The following CNTNAP4 variants were observed in gnomAD, a reference collection of about 807,000 sequenced individuals.
The protein encoded by CNTNAP4 is contactin-associated protein-like 4.
In CNTNAP4, 98 loss-of-function variants were observed where a neutral mutation model predicts 148.4. The ratio of observed to expected loss-of-function variants is 0.66; its 90% CI spans 0.56 to 0.78. CNTNAP4 has a LOEUF of 0.78. Ranked by LOEUF, CNTNAP4 falls within the 30% of genes least tolerant of loss-of-function variation. The probability of loss-of-function intolerance (pLI) is 0.00; values close to 1 mark genes in which losing one functional copy is unlikely to be tolerated. For synonymous variants in CNTNAP4, 730 were observed against 565.1 expected, an observed-to-expected ratio of 1.29 and a Z score of -4.14; for missense variants, 1,935 against 1,565.6, an observed-to-expected ratio of 1.24 and a Z score of -3.98.
At chr16:76,340,966 T>A (rs758154272) in intron 2 of CNTNAP4, among the ~76,000 whole-genome samples, 1 of 152,184 alleles carries the variant, frequency 6.6e-6, no homozygotes, top group Non-Finnish European at 1.5e-5. Flanking sequence ...ACCATTTCAG[T>A]CCCATCTTTC....
chr16:76,361,547 A>G (rs555282131), intron 3 of CNTNAP4, among the ~76,000 whole-genome samples: 1 of 152,234 alleles, frequency 6.6e-6, no homozygotes, highest in South Asian at 2.1e-4. Context: ...CAATTTTAAA[A>G]TCTATTCATT....
intron 10 of CNTNAP4, among the ~76,000 whole-genome samples, chr16:76,468,595 CTAT>C (rs1225511354): frequency 1.3e-5 from 2 of 152,142 alleles, no homozygotes; most frequent in African/African-American, 2.4e-5. Context: ...TCAAGCCATC[CTAT>C]CTCAGCCTCC....
At chr16:76,468,741 G>A (rs1049539208) in intron 10 of CNTNAP4, among the ~76,000 whole-genome samples, 3 of 152,048 alleles carry the variant, frequency 2.0e-5, no homozygotes, top group Non-Finnish European at 4.4e-5. Context: ...TTACAGGCAT[G>A]AGTCACTGTG....
intron 1 of CNTNAP4, among the ~76,000 whole-genome samples, chr16:76,285,230 G>T (rs1958833583): frequency 6.6e-6 from 1 of 151,920 alleles, no homozygotes; most frequent in Non-Finnish European, 1.5e-5. Flanking sequence ...TAATAAAACT[G>T]GGAAAATAGC....
chr16:76,438,057 G>C (rs1191321906), intron 4 of CNTNAP4, among the ~76,000 whole-genome samples: 1 of 152,132 alleles, frequency 6.6e-6, no homozygotes, highest in East Asian at 1.9e-4. Context: ...TAAACTTTGG[G>C]AAATCCACAT....
intron 3 of CNTNAP4, among the ~76,000 whole-genome samples, chr16:76,415,005 T>C (rs891915569): frequency 1.3e-5 from 2 of 151,158 alleles, no homozygotes; most frequent in African/African-American, 4.8e-5. Context: ...ATTTTAATCA[T>C]GAGGAATAAT....
chr16:76,402,271 G>A (rs186666321), intron 3 of CNTNAP4, among the ~76,000 whole-genome samples: 8 of 152,070 alleles, frequency 5.3e-5, no homozygotes. Context: ...TTGTGAGGCT[G>A]TATATGTCCA....
chr16:76,509,777 T>C lies in CNTNAP4; in HGVS notation c.2365+11083T>C, dbSNP rs1015913599. On this transcript the variant is annotated intron_variant, in intron 15 of 23. Coordinates refer to ENST00000611870, the MANE Select transcript of CNTNAP4 (RefSeq NM_033401.5). ...TAAAGGCTAACCACTAGTTCTATTC[T>C]CCAATGCTTTTTATTTTGATTAATT... Among the ~76,000 whole-genome samples, 8 of 97,082 alleles carry C rather than the reference T, an allele frequency of 8.2e-5. 2 individuals are homozygous for C. Among genetic ancestry groups the C allele is most frequent in the South Asian group, 4.1e-4 (1 of 2,452 alleles). 63.7% of individuals were successfully genotyped at this position (97,082 alleles called of 152,430 possible). A position where few individuals can be genotyped will look rare whatever the true frequency, so the allele number is the denominator to read the frequency against.
chr16:76,426,379 G>A (rs1262267731), intron 3 of CNTNAP4, among the ~76,000 whole-genome samples: 2 of 152,130 alleles, frequency 1.3e-5, no homozygotes, highest in Admixed American at 6.6e-5. Flanking sequence ...CCAGTCATAG[G>A]CAAGGGACTT....
At chr16:76,556,872 T>A (rs1400957156) in intron 23 of CNTNAP4, among the ~76,000 whole-genome samples, 2 of 152,302 alleles carry the variant, frequency 1.3e-5, no homozygotes, top group Admixed American at 6.5e-5. Flanking sequence ...TAGCCAAAAA[T>A]TGGCTTGGCT....
intron 15 of CNTNAP4, among the ~76,000 whole-genome samples, chr16:76,508,164 A>G (rs2082894493): frequency 1.0e-5 from 1 of 97,940 alleles, no homozygotes; most frequent in South Asian, 4.0e-4. Context: ...AGTTCATGAA[A>G]TAAAGAGAAT....
chr16:76,316,493 C>G lies in CNTNAP4; in HGVS notation c.166C>G (p.Pro56Ala). The change falls in exon 2 of 24, where the codon CCT (proline) becomes GCT (alanine). Residue 56 changes from proline (P) to alanine (A), a missense_variant. Coordinates refer to ENST00000611870, the MANE Select transcript of CNTNAP4 (RefSeq NM_033401.5). ...TTCCGAGCTCTCCAGCAGTCATGGT[C>G]CTGGATTTGCAAGGCTGAATAGAAG... ...SSSELSSSHG[P>A]GFARLNRRDG... 6.2e-7 allele frequency: 1 copy of G among 1,613,706 alleles called. No homozygotes were observed. The highest frequency in any genetic ancestry group is 8.5e-7 in the Non-Finnish European group (1 of 1,179,670).
chr16:76,482,523 TA>T (rs2081874443), intron 12 of CNTNAP4, among the ~76,000 whole-genome samples: 1 of 152,100 alleles, frequency 6.6e-6, no homozygotes, highest in South Asian at 2.1e-4. Context: ...ACCGCTTCTT[TA>T]TACTAATGAA....
intron 13 of CNTNAP4, among the ~76,000 whole-genome samples, chr16:76,491,620 A>C (rs1346025039): frequency 6.6e-6 from 1 of 152,240 alleles, no homozygotes; most frequent in Non-Finnish European, 1.5e-5. Flanking sequence ...AAAACAGATA[A>C]GCAAATCTGG....
chr16:76,550,959 C>G (rs974562563), intron 21 of CNTNAP4, among the ~76,000 whole-genome samples: 1 of 152,052 alleles, frequency 6.6e-6, no homozygotes, highest in Non-Finnish European at 1.5e-5. Flanking sequence ...TGGCTCAATA[C>G]CAGATCCCTC....
intron 1 of CNTNAP4, among the ~76,000 whole-genome samples, chr16:76,299,993 T>A (rs894621460): frequency 6.7e-6 from 1 of 150,114 alleles, no homozygotes; most frequent in African/African-American, 2.5e-5. Context: ...TGGGGCCTGT[T>A]GTGGGGTGGG....
At chr16:76,286,248 C>T (rs1180233713) in intron 1 of CNTNAP4, among the ~76,000 whole-genome samples, 1 of 148,194 alleles carries the variant, frequency 6.7e-6, no homozygotes, top group African/African-American at 2.5e-5. Context: ...AATTGGAAAA[C>T]AGACCATTTT....
At chr16:76,351,803 C>G (rs1467746580) in intron 2 of CNTNAP4, among the ~76,000 whole-genome samples, 1 of 152,190 alleles carries the variant, frequency 6.6e-6, no homozygotes, top group East Asian at 1.9e-4. Context: ...CTTCCTCTTT[C>G]TCCTGATGAG....
At chr16:76,527,986 T>C (rs1249668290) in intron 17 of CNTNAP4, among the ~76,000 whole-genome samples, 2 of 152,174 alleles carry the variant, frequency 1.3e-5, no homozygotes, top group African/African-American at 4.8e-5. Flanking sequence ...TTAAGTAGTT[T>C]TGTTAAAAAT....
Sources: allele counts gnomAD v4.1 joint callset (sites outside exome capture counted in the v4.1 genomes callset), GRCh38; gene constraint gnomAD v4.1.1; transcripts MANE v1.5; gene names NCBI Gene and HGNC (gene_info 2026-07-23, HGNC 2026-07-21).